YEATS2: variants seen among roughly 807,000 people sequenced by gnomAD.
The protein encoded by YEATS2 is YEATS domain containing 2, also known as YEATS domain-containing protein 2.
In YEATS2, 77 loss-of-function variants were observed where a neutral mutation model predicts 163.2. The observed-to-expected ratio is 0.47, with a 90% confidence interval of 0.39 to 0.57. The LOEUF is 0.57. YEATS2 is among the 20% of genes least tolerant of loss of function. The probability of loss-of-function intolerance (pLI) is 0.00; values close to 1 mark genes in which losing one functional copy is unlikely to be tolerated. For missense variants in YEATS2, 1,549 were observed against 1,729.8 expected (o/e 0.90, Z 1.85); for synonymous variants, 631 against 645.1 (o/e 0.98, Z 0.33).
At chr3:183,748,934 A>T (rs1346832624) in intron 9 of YEATS2, among the ~76,000 whole-genome samples, 1 of 151,426 alleles carries the variant, frequency 6.6e-6, no homozygotes, top group African/African-American at 2.4e-5. Flanking sequence ...ATATATATAT[A>T]TTTTCAAAAT....
At chr3:183,701,647 GC>G (rs925376622) in intron 1 of YEATS2, among the ~76,000 whole-genome samples, 9 of 151,944 alleles carry the variant, frequency 5.9e-5, no homozygotes, top group Admixed American at 5.9e-4. Context: ...TCCTGCTTTG[GC>G]CTCCCAAAGT....
At chr3:183,742,876 A>G (rs1577093563) in intron 8 of YEATS2, among the ~76,000 whole-genome samples, 1 of 152,210 alleles carries the variant, frequency 6.6e-6, no homozygotes, top group Admixed American at 6.5e-5. Flanking sequence ...CAAACCTTCA[A>G]CAAACAGCCA....
chr3:183,773,510 C>T, intron 16 of YEATS2, 123 bp from the exon 17 acceptor site: 1 of 986,192 alleles, frequency 1.0e-6, no homozygotes, highest in East Asian at 2.7e-5. Context: ...ATCTGGGAAA[C>T]AAACTTTGAA....
At chr3:183,779,943 G>T (rs985553248) in intron 19 of YEATS2, among the ~76,000 whole-genome samples, 2 of 150,720 alleles carry the variant, frequency 1.3e-5, no homozygotes, top group Middle Eastern at 3.2e-3. Context: ...TGATCTGCCC[G>T]CCTCGGCCTC....
chr3:183,704,150 CA>C (rs58466117), intron 1 of YEATS2, among the ~76,000 whole-genome samples: 4,074 of 95,304 alleles, frequency 0.043, 86 homozygotes, highest in East Asian at 0.2. Context: ...GACTCCATCT[CA>C]AAAAAAAAAA....
At chr3:183,741,587 G>T (rs1718968768) in intron 8 of YEATS2, among the ~76,000 whole-genome samples, 1 of 151,890 alleles carries the variant, frequency 6.6e-6, no homozygotes, top group South Asian at 2.1e-4. Context: ...TTTGAGACCA[G>T]CCTGGCCAAC....
intron 11 of YEATS2, 91 bp downstream of exon 11, chr3:183,754,456 CTT>C: frequency 6.7e-7 from 1 of 1,486,718 alleles, no homozygotes; most frequent in Non-Finnish European, 9.0e-7. Flanking sequence ...CTTTTTTTCT[CTT>C]AAGTTCTTCT....
intron 8 of YEATS2, among the ~76,000 whole-genome samples, chr3:183,738,709 A>G (rs973418591): frequency 1.5e-5 from 2 of 136,368 alleles, no homozygotes; most frequent in African/African-American, 5.5e-5. Flanking sequence ...AATTTCATCC[A>G]TGTCCCTACA....
At chr3:183,761,642 C>A in intron 14 of YEATS2, 28 bp downstream of exon 14, 1 of 1,593,436 alleles carries the variant, frequency 6.3e-7, no homozygotes, top group Non-Finnish European at 8.6e-7. Context: ...CATTGTCCCA[C>A]AAGTCATAAT....
intron 1 of YEATS2, among the ~76,000 whole-genome samples, chr3:183,698,765 A>G (rs1274013072): frequency 6.6e-6 from 1 of 152,124 alleles, no homozygotes; most frequent in East Asian, 1.9e-4. Context: ...CTCACATGTA[A>G]AAAATGCGGT....
At chr3:183,802,975 G>A (rs1201324698) in intron 25 of YEATS2, 2 of 361,746 alleles carry the variant, frequency 5.5e-6, no homozygotes, top group African/African-American at 4.2e-5. Flanking sequence ...GCTCCTAGTG[G>A]AGCACCAGTT....
intron 1 of YEATS2, among the ~76,000 whole-genome samples, chr3:183,706,036 CAAAAAAA>C (rs397876299): frequency 8.9e-6 from 1 of 112,480 alleles, no homozygotes; most frequent in Non-Finnish European, 1.9e-5. Flanking sequence ...AAGACTGTTT[CAAAAAAA>C]AAAAAAAAAT....
Position 183,746,657 on chromosome 3 carries a change from C to CTT in YEATS2, c.925-1000_925-999dup, listed in dbSNP as rs560422111. Among the ~76,000 whole-genome samples the CTT allele has an allele frequency of 5.1e-3, 715 of 141,302 alleles. 4 individuals are homozygous for CTT. The highest frequency in any genetic ancestry group is 0.012 in the African/African-American group (450 of 38,470). The allele number at this position is 141,302 out of a possible 152,430, so 92.7% of individuals were successfully genotyped here. ...GAAAATGGATGTAACCTAAAATTAC[C>CTT]TTTTTTTTTTTTTTTTAGCAGTCAT... On this transcript the variant is annotated intron_variant, in intron 8 of 30. Transcript: ENST00000305135.
At chr3:183,715,998 C>G (rs866720421) in intron 2 of YEATS2, among the ~76,000 whole-genome samples, 1 of 152,100 alleles carries the variant, frequency 6.6e-6, no homozygotes, top group East Asian at 1.9e-4. Context: ...CTTGCTCTGT[C>G]CCCCAGGCTG....
At chr3:183,743,582 A>G (rs1719200570) in intron 8 of YEATS2, among the ~76,000 whole-genome samples, 1 of 151,910 alleles carries the variant, frequency 6.6e-6, no homozygotes, top group Non-Finnish European at 1.5e-5. Context: ...CTGGACTAAA[A>G]CAATCTACCC....
At chr3:183,713,990 AG>A (rs1715545313) in intron 1 of YEATS2, among the ~76,000 whole-genome samples, 1 of 152,040 alleles carries the variant, frequency 6.6e-6, no homozygotes, top group African/African-American at 2.4e-5. Context: ...GTTTTAGTAG[AG>A]ATGGGGTTTC....
intron 13 of YEATS2, among the ~76,000 whole-genome samples, chr3:183,761,097 CT>C (rs1012917900): frequency 8.8e-5 from 13 of 147,492 alleles, no homozygotes; most frequent in African/African-American, 2.5e-4. Context: ...TTTTTTCTTT[CT>C]TTTTTTTTTA....
At chr3:183,723,113 G>C (rs892073242) in intron 5 of YEATS2, among the ~76,000 whole-genome samples, 1 of 152,178 alleles carries the variant, frequency 6.6e-6, no homozygotes, top group South Asian at 2.1e-4. Flanking sequence ...GAGAGCAGCC[G>C]TTCTTCAACG....
intron 30 of YEATS2, chr3:183,810,152 G>T (rs1163959337): frequency 2.1e-5 from 5 of 235,584 alleles, no homozygotes; most frequent in Non-Finnish European, 3.3e-5. Context: ...AGAGTTTTGT[G>T]GTGCTTTGAC....
Sources: allele counts gnomAD v4.1 joint callset (sites outside exome capture counted in the v4.1 genomes callset), GRCh38; gene constraint gnomAD v4.1.1; transcripts MANE v1.5; gene names NCBI Gene and HGNC (gene_info 2026-07-23, HGNC 2026-07-21).